LINGO2: variants seen among roughly 807,000 people sequenced by gnomAD.
LINGO2 encodes the protein leucine-rich repeat and immunoglobulin-like domain-containing nogo receptor-interacting protein 2.
Under a neutral mutation model 30.6 loss-of-function variants are expected in LINGO2, and 14 were observed. That is an observed-to-expected ratio of 0.46 (90% CI 0.30 to 0.72). The LOEUF (loss-of-function observed/expected upper bound fraction) is 0.72, where lower values mean the gene tolerates loss of function less well. Among genes scored for constraint, LINGO2 ranks in the 30% least tolerant of loss-of-function variants. The pLI is 0.07. For missense variants in LINGO2, 729 were observed against 751.7 expected (o/e 0.97, Z 0.35); for synonymous variants, 317 against 288.5 (o/e 1.10, Z -1.00).
chr9:28,816,324 C>T, the LINGO2 span, among the ~76,000 whole-genome samples: 1 of 152,168 alleles, frequency 6.6e-6, no homozygotes, highest in African/African-American at 2.4e-5. Context: ...TTGCCAGGGG[C>T]AGCAGCCTGA....
At chr9:28,522,643 C>T (rs1156711135) in intron 1 of LINGO2, among the ~76,000 whole-genome samples, 1 of 152,006 alleles carries the variant, frequency 6.6e-6, no homozygotes, top group Non-Finnish European at 1.5e-5. Flanking sequence ...TTTAAAATCA[C>T]AATTGAAATA....
chr9:29,186,473 C>G, the LINGO2 span, among the ~76,000 whole-genome samples: 10 of 152,038 alleles, frequency 6.6e-5, no homozygotes, highest in African/African-American at 2.4e-4. Context: ...TCACCCTTGC[C>G]AAACTTGAAA....
chr9:28,598,186 CTT>C (rs1825282138), intron 1 of LINGO2, among the ~76,000 whole-genome samples: 1 of 151,962 alleles, frequency 6.6e-6, no homozygotes, highest in South Asian at 2.1e-4. Context: ...CCAAAGGAAA[CTT>C]ATCTAAAAGA....
At chr9:28,714,393 A>T in the LINGO2 span, among the ~76,000 whole-genome samples, 4 of 151,906 alleles carry the variant, frequency 2.6e-5, no homozygotes, top group Admixed American at 6.6e-5. Context: ...ATCCAGGTTG[A>T]AGCCAGAGAT....
chr9:27,969,393 AAAAG>A (rs1380605658), intron 5 of LINGO2, among the ~76,000 whole-genome samples: 2 of 152,158 alleles, frequency 1.3e-5, no homozygotes, highest in Non-Finnish European at 2.9e-5. Context: ...TGGCCAGAAA[AAAAG>A]AAATATTAAC....
intron 4 of LINGO2, among the ~76,000 whole-genome samples, chr9:28,022,059 T>C (rs1189751058): frequency 6.6e-6 from 1 of 152,052 alleles, no homozygotes; most frequent in Non-Finnish European, 1.5e-5. Context: ...CTGCCCTCTC[T>C]AGATTTAGTT....
the LINGO2 span, among the ~76,000 whole-genome samples, chr9:29,046,248 G>A: frequency 6.6e-6 from 1 of 152,092 alleles, no homozygotes; most frequent in African/African-American, 2.4e-5. Context: ...TGCCCATTCA[G>A]TATAATGTTG....
At chr9:28,807,651 G>C in the LINGO2 span, among the ~76,000 whole-genome samples, 2 of 152,202 alleles carry the variant, frequency 1.3e-5, no homozygotes, top group East Asian at 3.9e-4. Context: ...AAATAATTGA[G>C]AATAACATTT....
chr9:28,741,931 G>C, the LINGO2 span, among the ~76,000 whole-genome samples: 1 of 151,746 alleles, frequency 6.6e-6, no homozygotes, highest in African/African-American at 2.4e-5. Context: ...TGGTTAGCTA[G>C]GATTGGAGCC....
intron 1 of LINGO2, among the ~76,000 whole-genome samples, chr9:28,531,828 T>C (rs58756956): frequency 0.072 from 10,954 of 152,034 alleles, 631 homozygotes; most frequent in African/African-American, 0.16. Flanking sequence ...AAAAAAAAGC[T>C]TTTGTGTGTG....
Position 28,279,181 on chromosome 9 carries a change from G to C in LINGO2, c.-87+16027C>G, listed in dbSNP as rs531410393. On this transcript the variant is annotated intron_variant, in intron 4 of 5. Transcript: ENST00000379992. ...CTTCTTATGGATAAGCAAAGAAAAT[G>C]GTTTCTTGAGATAAAATCTACTCTT... Among the ~76,000 whole-genome samples, 128 of 152,232 alleles carry C rather than the reference G, an allele frequency of 8.4e-4. 1 individual carries two copies. Among genetic ancestry groups the C allele is most frequent in the African/African-American group, 2.9e-3 (122 of 41,562 alleles).
chr9:28,620,651 G>A (rs1289898173), intron 1 of LINGO2, among the ~76,000 whole-genome samples: 1 of 151,996 alleles, frequency 6.6e-6, no homozygotes, highest in African/African-American at 2.4e-5. Context: ...TATATGACCA[G>A]TTCTAGGCAA....
At chr9:28,744,104 A>T in the LINGO2 span, among the ~76,000 whole-genome samples, 16 of 132,466 alleles carry the variant, frequency 1.2e-4, no homozygotes, top group Admixed American at 8.6e-4. Context: ...ATATATATAT[A>T]TATATTTTTT....
chr9:28,614,869 T>A (rs528866531), intron 1 of LINGO2, among the ~76,000 whole-genome samples: 2 of 152,216 alleles, frequency 1.3e-5, no homozygotes, highest in South Asian at 4.1e-4. Flanking sequence ...TACATTCAGC[T>A]GAAAGAATAG....
At chr9:28,022,548 G>A (rs1823182236) in intron 4 of LINGO2, among the ~76,000 whole-genome samples, 1 of 151,984 alleles carries the variant, frequency 6.6e-6, no homozygotes, top group Non-Finnish European at 1.5e-5. Context: ...CTCTTTTGAG[G>A]TTGAGTTTCA....
At chr9:28,172,033 A>AC (rs1564016885) in intron 4 of LINGO2, among the ~76,000 whole-genome samples, 12 of 87,140 alleles carry the variant, frequency 1.4e-4, no homozygotes, top group African/African-American at 6.1e-4. Flanking sequence ...AAAAAAAAAA[A>AC]CAAAAAAAAA....
At chr9:28,166,192 C>A (rs1438178560) in intron 4 of LINGO2, among the ~76,000 whole-genome samples, 1 of 152,130 alleles carries the variant, frequency 6.6e-6, no homozygotes, top group Non-Finnish European at 1.5e-5. Flanking sequence ...ACAAACTAAC[C>A]AACAAACAAA....
chr9:28,861,771 A>C, the LINGO2 span, among the ~76,000 whole-genome samples: 1 of 151,874 alleles, frequency 6.6e-6, no homozygotes, highest in Non-Finnish European at 1.5e-5. Context: ...CTTACCAAAA[A>C]ACACAAAACC....
chr9:28,282,407 G>T (rs1249168663), intron 4 of LINGO2, among the ~76,000 whole-genome samples: 1 of 148,330 alleles, frequency 6.7e-6, no homozygotes, highest in Non-Finnish European at 1.5e-5. Context: ...TCTCTTTCAG[G>T]ATAGTTTTTT....
Sources: allele counts gnomAD v4.1 joint callset (sites outside exome capture counted in the v4.1 genomes callset), GRCh38; gene constraint gnomAD v4.1.1; transcripts MANE v1.5; gene names NCBI Gene and HGNC (gene_info 2026-07-23, HGNC 2026-07-21).